The following TECR variants were observed in gnomAD, a reference collection of about 807,000 sequenced individuals.
The protein encoded by TECR is very-long-chain enoyl-CoA reductase.
Under a neutral mutation model 50.6 loss-of-function variants are expected in TECR, and 19 were observed. The ratio of observed to expected loss-of-function variants is 0.38; its 90% CI spans 0.26 to 0.55. The LOEUF (loss-of-function observed/expected upper bound fraction) is 0.55. Among genes scored for constraint, TECR ranks in the 20% least tolerant of loss-of-function variants. TECR has a pLI of 0.79. For synonymous variants in TECR, 168 were observed against 163.5 expected, an observed-to-expected ratio of 1.03 and a Z score of -0.21; for missense variants, 313 against 408.3, an observed-to-expected ratio of 0.77 and a Z score of 2.01.
At chr19:14,561,718 G>A (rs1489987744) in intron 1 of TECR, among the ~76,000 whole-genome samples, 1 of 152,166 alleles carries the variant, frequency 6.6e-6, no homozygotes, top group Non-Finnish European at 1.5e-5. Flanking sequence ...CACACACCCC[G>A]ATCCTTTCCA....
At chr19:14,556,790 C>G (rs532638259) in intron 1 of TECR, among the ~76,000 whole-genome samples, 8 of 152,308 alleles carry the variant, frequency 5.3e-5, no homozygotes, top group African/African-American at 1.9e-4. Flanking sequence ...GCTGCGGGTG[C>G]CCTTCCAGCA....
intron 1 of TECR, among the ~76,000 whole-genome samples, chr19:14,539,747 G>C (rs1045163576): frequency 6.6e-6 from 1 of 151,846 alleles, no homozygotes; most frequent in Non-Finnish European, 1.5e-5. Context: ...TCGTGTTACC[G>C]AGCGCTCAGC....
At chr19:14,551,525 C>T (rs537168214) in intron 1 of TECR, among the ~76,000 whole-genome samples, 7 of 152,180 alleles carry the variant, frequency 4.6e-5, no homozygotes, top group African/African-American at 7.2e-5. Context: ...GGTCTGACAC[C>T]GCCCCCTGTG....
chr19:14,540,875 C>T (rs1282008651), intron 1 of TECR, among the ~76,000 whole-genome samples: 3 of 152,102 alleles, frequency 2.0e-5, no homozygotes, highest in Non-Finnish European at 4.4e-5. Flanking sequence ...TTTGCTCTTG[C>T]CCAGGCTGGA....
chr19:14,561,744 T>G (rs2073909250), intron 1 of TECR, among the ~76,000 whole-genome samples: 1 of 152,146 alleles, frequency 6.6e-6, no homozygotes, highest in Admixed American at 6.5e-5. Context: ...CGAGAGAGGC[T>G]CTCTGCACCC....
At chr19:14,533,544 T>C (rs571553244) in intron 1 of TECR, among the ~76,000 whole-genome samples, 1 of 152,300 alleles carries the variant, frequency 6.6e-6, no homozygotes, top group East Asian at 1.9e-4. Context: ...AAGTGCAGTT[T>C]ACAACTGATA....
rs1400988765 is a variant in TECR at position 14,564,854 on chromosome 19, C to A, written c.558C>A (p.Pro186=). 1 of 1,613,888 alleles carries A rather than the reference C, an allele frequency of 6.2e-7. No individual in the cohort carries two copies. The highest frequency in any genetic ancestry group is 8.5e-7 in the Non-Finnish European group (1 of 1,180,028). The change falls in exon 8 of 13, where the codon CCC becomes CCA. Residue 186 remains proline (P), a synonymous_variant. Transcript: ENST00000215567. ...AYYINHPLYT[P]PTYGAQQVKL... ...ACATCAATCACCCTCTCTACACTCC[C>A]CCTAGTAAGTGGCCTCAGACCATCC...
upstream of TECR, chr19:14,529,530 C>T (rs1411594024): frequency 1.1e-6 from 1 of 944,122 alleles, no homozygotes; most frequent in African/African-American, 1.6e-5. Context: ...ACGTGGGCGC[C>T]TCGTGCCCTG....
At position 14,563,432 on chromosome 19, in the gene TECR, G is replaced by T. The variant is rs546257217; in HGVS notation, c.118+175G>T. The stretch of plus-strand genomic sequence containing the variant: ...CCTCCACGTGGCACTCCGCAGGAAC[G>T]CCCTTGCTAGGCTCTGGGAAGGACA... On this transcript the variant is annotated intron_variant, in intron 3 of 12. Transcript: ENST00000215567. The surrounding 1 kb of genome is among the most constrained non-coding windows in gnomAD (Gnocchi z 5.3). 6 of 811,108 alleles carry T rather than the reference G, an allele frequency of 7.4e-6. No homozygotes were observed. In the Admixed American group the frequency reaches 1.1e-4, roughly 15 times the overall value. The allele number at this position is 811,108 out of a possible 1,614,324, so 50.2% of individuals were successfully genotyped here.
At chr19:14,528,891 C>T (rs1046148972), upstream of TECR, among the ~76,000 whole-genome samples, 7 of 152,098 alleles carry the variant, frequency 4.6e-5, no homozygotes, top group Admixed American at 1.3e-4. Flanking sequence ...TTGCGTGAGC[C>T]GTCATTGCGC....
At chr19:14,546,574 G>C (rs1360328447) in intron 1 of TECR, among the ~76,000 whole-genome samples, 2 of 152,178 alleles carry the variant, frequency 1.3e-5, no homozygotes, top group African/African-American at 2.4e-5. Context: ...ATTTATTACA[G>C]AAACAGGGCT....
In TECR at chr19:14,564,162, A is replaced by C. The variant is rs780467810; in HGVS notation, c.384-20A>C. The C allele has an allele frequency of 6.8e-6, 11 of 1,606,220 alleles. No individual in the cohort carries two copies. Among genetic ancestry groups the C allele is most frequent in the South Asian group, 2.2e-5 (2 of 91,078 alleles). On this transcript the variant is annotated intron_variant, in intron 6 of 12. Coordinates refer to ENST00000215567, the MANE Select transcript of TECR (RefSeq NM_138501.6). ...AGACCTGCCGGACCAGCCCCAGCTGAGCCTGCTCCCCCCGACCAGCCTCGC... is the reference window on the plus strand; with the variant it reads ...AGACCTGCCGGACCAGCCCCAGCTGCGCCTGCTCCCCCCGACCAGCCTCGC...
chr19:14,565,405 C>G, intron 11 of TECR, 115 bp downstream of exon 11: 1 of 1,429,010 alleles, frequency 7.0e-7, no homozygotes. Context: ...GCACTGCGAG[C>G]ATTGGGAGGT....
Position 14,529,813 on chromosome 19 carries a change from G to T in TECR, c.15+102G>T. The T allele has an allele frequency of 2.6e-6, 4 of 1,559,782 alleles. No homozygotes were observed. The South Asian group carries it at 4.5e-5, about 18-fold the overall frequency. On this transcript the variant is annotated intron_variant, in intron 1 of 12. Transcript: ENST00000215567. ...CACTTTCTGGTCCTGTGCCCCGAAG[G>T]AAGAGCCAGACGGCGCAGGCGCAGT...
intron 1 of TECR, among the ~76,000 whole-genome samples, chr19:14,543,023 G>A (rs1390387087): frequency 6.7e-6 from 1 of 149,112 alleles, no homozygotes; most frequent in Non-Finnish European, 1.5e-5. Flanking sequence ...AAAGTGAACA[G>A]GGATCACTGG....
intron 1 of TECR, 81 bp downstream of exon 1, chr19:14,529,792 T>G: frequency 6.3e-7 from 1 of 1,597,002 alleles, no homozygotes; most frequent in Non-Finnish European, 8.6e-7. Flanking sequence ...GGACCCCACT[T>G]TCTGGTCCTG....
chr19:14,539,428 A>G (rs1315747247), intron 1 of TECR, among the ~76,000 whole-genome samples: 1 of 152,042 alleles, frequency 6.6e-6, no homozygotes, highest in Admixed American at 6.6e-5. Flanking sequence ...GCTAGAAGAC[A>G]GTCTGGCCAC....
upstream of TECR, chr19:14,529,561 C>T (rs1351113591): frequency 7.3e-7 from 1 of 1,368,620 alleles, no homozygotes; most frequent in African/African-American, 1.4e-5. Flanking sequence ...GGGGCGCGCG[C>T]GGCCTGGAGG....
At chr19:14,535,566 AT>A (rs2072860576) in intron 1 of TECR, among the ~76,000 whole-genome samples, 2 of 19,788 alleles carry the variant, frequency 1.0e-4, no homozygotes, top group Non-Finnish European at 2.5e-4. Context: ...ATATATATAT[AT>A]ATATATATAT....
Sources: gnomAD v4.1 joint callset for allele counts (sites outside exome capture counted in the v4.1 genomes callset) on GRCh38, gnomAD v4.1.1 for gene constraint, Gnocchi (gnomAD v3.1) non-coding constraint, MANE v1.5 for transcripts, NCBI Gene and HGNC (gene_info 2026-07-23, HGNC 2026-07-21) for gene names.